The following DCAF12 variants were observed in gnomAD, a reference collection of about 807,000 sequenced individuals.
DCAF12 encodes the protein DDB1 and CUL4 associated factor 12, also known as DDB1- and CUL4-associated factor 12.
DCAF12 carries 28 observed loss-of-function variants against 52.8 expected under a neutral mutation model. That is an observed-to-expected ratio of 0.53 (90% confidence interval 0.39 to 0.73). The LOEUF (loss-of-function observed/expected upper bound fraction) is 0.73. Ranked by LOEUF, DCAF12 falls within the 30% of genes least tolerant of loss-of-function variation. DCAF12 has a pLI of 0.00. For missense variants in DCAF12, 425 were observed against 552.2 expected, an observed-to-expected ratio of 0.77 and a Z score of 2.31; for synonymous variants, 196 against 215.5, an observed-to-expected ratio of 0.91 and a Z score of 0.79.
At chr9:34,122,135 A>C (rs1829184297) in intron 2 of DCAF12, among the ~76,000 whole-genome samples, 2 of 151,956 alleles carry the variant, frequency 1.3e-5, no homozygotes, top group South Asian at 4.2e-4. Flanking sequence ...TTTGGCTCAT[A>C]GTACTCTCTT....
rs72391664 is a variant in DCAF12 at position 34,119,702 on chromosome 9, G to GTT, written c.333+5319_333+5320dup. Among the ~76,000 whole-genome samples, 417 of 133,300 alleles carry GTT rather than the reference G, an allele frequency of 3.1e-3. 3 individuals carry two copies. The highest frequency in any genetic ancestry group is 7.1e-3 in the African/African-American group (258 of 36,212). The allele number at this position is 133,300 out of a possible 152,430, so 87.4% of individuals were successfully genotyped here. On this transcript the variant is annotated intron_variant, in intron 2 of 8. Coordinates refer to ENST00000361264, the MANE Select transcript of DCAF12 (RefSeq NM_015397.4). ...TCAACAAATACTATGTACTTTTGCG[G>GTT]TTTTTTTTTTTTTTTTTGAGACAGG...
chr9:34,126,000 G>C (rs1184848823), intron 1 of DCAF12, among the ~76,000 whole-genome samples: 2 of 152,114 alleles, frequency 1.3e-5, no homozygotes, highest in Non-Finnish European at 2.9e-5. Context: ...CAGCTTCCTA[G>C]GGCCCATGGA....
chr9:34,124,275 C>G (rs1439569615), intron 2 of DCAF12, among the ~76,000 whole-genome samples: 2 of 152,208 alleles, frequency 1.3e-5, no homozygotes, highest in Non-Finnish European at 2.9e-5. Flanking sequence ...TTTCCCACCC[C>G]TAGGCCCTAG....
chr9:34,094,299 A>G (rs1028270849), intron 6 of DCAF12, among the ~76,000 whole-genome samples: 12 of 151,836 alleles, frequency 7.9e-5, no homozygotes, highest in Non-Finnish European at 1.6e-4. Context: ...CCAGCTACTC[A>G]GGAGGCTGAG....
intron 2 of DCAF12, among the ~76,000 whole-genome samples, chr9:34,113,348 G>A (rs1443693965): frequency 2.0e-5 from 3 of 151,244 alleles, no homozygotes; most frequent in Non-Finnish European, 4.4e-5. Context: ...CACTGTACGC[G>A]GCCTGAATTT....
At chr9:34,107,973 A>G (rs1828931067) in intron 2 of DCAF12, among the ~76,000 whole-genome samples, 2 of 152,226 alleles carry the variant, frequency 1.3e-5, no homozygotes, top group Admixed American at 6.5e-5. Flanking sequence ...CAATTCCCAG[A>G]ACACATCATG....
chr9:34,098,834 T>C (rs1828781872), intron 4 of DCAF12, among the ~76,000 whole-genome samples: 1 of 152,004 alleles, frequency 6.6e-6, no homozygotes, highest in South Asian at 2.1e-4. Flanking sequence ...AGTGGTGCGA[T>C]CTCAGCTCAC....
In DCAF12 at chr9:34,088,309, A is replaced by T; in HGVS notation, c.*41T>A. The stretch of plus-strand genomic sequence containing the variant: ...AATCAAAAGAAACAAGGAAACTGAG[A>T]ATGGAAGTTAGTGTAAATCTCTGCA... On this transcript the variant is annotated 3_prime_UTR_variant, in exon 9 of 9. Transcript: ENST00000361264. 1.3e-6 allele frequency: 2 copies of T among 1,498,146 alleles called. No homozygotes were observed. Among genetic ancestry groups the T allele is most frequent in the Non-Finnish European group, 1.8e-6 (2 of 1,126,700 alleles). 92.8% of individuals were successfully genotyped at this position (1,498,146 alleles called of 1,614,324 possible).
rs36066422 is a variant in DCAF12, at chr9:34,095,372, CT to C, written c.861+1343del. On this transcript the variant is annotated intron_variant, in intron 6 of 8. Coordinates refer to ENST00000361264, the MANE Select transcript of DCAF12 (RefSeq NM_015397.4). ...ATAGGCGTGAACCACCGCGCCAGGC[CT>C]TTTTTTTTTTTTTTTTTTTTTTTTT... 8.5e-3 allele frequency among the ~76,000 whole-genome samples: 662 copies of C among 78,100 alleles called. 1 individual carries two copies. The highest frequency in any genetic ancestry group is 0.016 in the South Asian group (32 of 1,952). The allele number at this position is 78,100 out of a possible 152,430, so 51.2% of individuals were successfully genotyped here.
At chr9:34,091,401 C>T (rs1156947615) in intron 7 of DCAF12, among the ~76,000 whole-genome samples, 1 of 151,976 alleles carries the variant, frequency 6.6e-6, no homozygotes, top group Non-Finnish European at 1.5e-5. Context: ...TTAGCACACA[C>T]TTTGGGAGGC....
intron 4 of DCAF12, among the ~76,000 whole-genome samples, chr9:34,105,485 C>T (rs779228057): frequency 6.6e-6 from 1 of 151,864 alleles, no homozygotes; most frequent in Non-Finnish European, 1.5e-5. Context: ...AAAATGTCAA[C>T]AGTCGTTATT....
At chr9:34,089,339 G>C (rs1410348600) in intron 8 of DCAF12, 73 bp downstream of exon 8, 5 of 1,453,204 alleles carry the variant, frequency 3.4e-6, no homozygotes, top group Non-Finnish European at 4.7e-6. Context: ...GTGTGTCAGT[G>C]GGGGCTGAGA....
chr9:34,088,269 A>G lies in DCAF12; in HGVS notation c.*81T>C. On this transcript the variant is annotated 3_prime_UTR_variant, in exon 9 of 9. Transcript: ENST00000361264. ...CCACTAAAACACAAGAGCCTCACAC[A>G]ATTAGGAAAAAAAAAATCAAAAGAA... The G allele has an allele frequency of 1.4e-6, 2 of 1,472,036 alleles. No individual in the cohort carries two copies. Among genetic ancestry groups the G allele is most frequent in the African/African-American group, 1.4e-5 (1 of 69,942 alleles). 91.2% of individuals were successfully genotyped at this position (1,472,036 alleles called of 1,614,324 possible).
chr9:34,122,453 G>A (rs1182659326), intron 2 of DCAF12, among the ~76,000 whole-genome samples: 1 of 151,212 alleles, frequency 6.6e-6, no homozygotes, highest in Non-Finnish European at 1.5e-5. Flanking sequence ...CAGTTATATA[G>A]GTTCAAGACA....
rs1829256024 is a variant in DCAF12 at position 34,126,630 on chromosome 9, A to G, written c.-199T>C. The G allele has an allele frequency of 1.6e-6, 1 of 624,772 alleles. No homozygotes were observed. The highest frequency in any genetic ancestry group is 2.7e-6 in the Non-Finnish European group (1 of 371,968). 38.7% of individuals were successfully genotyped at this position (624,772 alleles called of 1,614,324 possible). ...AGAGAGGAAGGACTTGAGCCGGGAAAGGGAAGGGGAAGCGAGAATGAGCGG... is the reference window on the plus strand; with the variant it reads ...AGAGAGGAAGGACTTGAGCCGGGAAGGGGAAGGGGAAGCGAGAATGAGCGG... On this transcript the variant is annotated 5_prime_UTR_variant, in exon 1 of 9. Transcript: ENST00000361264.
At chr9:34,101,085 T>TTA (rs1554700087) in intron 4 of DCAF12, among the ~76,000 whole-genome samples, 9 of 148,614 alleles carry the variant, frequency 6.1e-5, no homozygotes, top group Non-Finnish European at 1.0e-4. Context: ...TTTTTTTTTT[T>TTA]AAATGAGACA....
intron 2 of DCAF12, among the ~76,000 whole-genome samples, chr9:34,118,824 C>T (rs1829126289): frequency 6.6e-6 from 1 of 151,930 alleles, no homozygotes; most frequent in South Asian, 2.1e-4. Context: ...ATTAGCCGGG[C>T]GTGGTGGCAC....
intron 2 of DCAF12, among the ~76,000 whole-genome samples, chr9:34,120,273 A>G (rs2131443382): frequency 6.7e-6 from 1 of 148,328 alleles, no homozygotes; most frequent in East Asian, 2.0e-4. Flanking sequence ...CCAGCTACTC[A>G]GGATTCTGGG....
chr9:34,116,218 A>G (rs1829086153), intron 2 of DCAF12, among the ~76,000 whole-genome samples: 1 of 152,050 alleles, frequency 6.6e-6, no homozygotes, highest in East Asian at 1.9e-4. Context: ...TTAGCCGGGC[A>G]TGGTGGCAGT....
Sources: allele counts gnomAD v4.1 joint callset (sites outside exome capture counted in the v4.1 genomes callset), GRCh38; gene constraint gnomAD v4.1.1; transcripts MANE v1.5; gene names NCBI Gene and HGNC (gene_info 2026-07-23, HGNC 2026-07-21).